Variants in PIGU observed in about 807,000 individuals in gnomAD.
PIGU encodes phosphatidylinositol glycan anchor biosynthesis class U, also known as GPI-anchor transamidase component PIGU.
A neutral mutation model predicts 49.9 loss-of-function variants in PIGU; 24 were observed. That is an observed-to-expected ratio of 0.48 (90% CI 0.35 to 0.68). The LOEUF is 0.68. PIGU is among the 30% of genes least tolerant of loss of function. The pLI, the probability that PIGU is intolerant of heterozygous loss-of-function variation, is 0.01. For synonymous variants in PIGU, 220 were observed against 205.7 expected, an observed-to-expected ratio of 1.07 and a Z score of -0.59; for missense variants, 490 against 532.6, an observed-to-expected ratio of 0.92 and a Z score of 0.79.
chr20:34,615,103 C>T (rs1173766348), intron 7 of PIGU, among the ~76,000 whole-genome samples: 1 of 152,162 alleles, frequency 6.6e-6, no homozygotes, highest in African/African-American at 2.4e-5. Flanking sequence ...GTGACTTAAC[C>T]TCCCAACATT....
chr20:34,586,645 G>A (rs1261991174), intron 8 of PIGU, among the ~76,000 whole-genome samples: 2 of 151,188 alleles, frequency 1.3e-5, no homozygotes, highest in African/African-American at 2.4e-5. Flanking sequence ...CCGAGTCTTC[G>A]GCACCTATGC....
chr20:34,648,794 C>T (rs1986437879), intron 2 of PIGU, among the ~76,000 whole-genome samples: 1 of 152,126 alleles, frequency 6.6e-6, no homozygotes, highest in African/African-American at 2.4e-5. Flanking sequence ...AGCAATCCGC[C>T]TGCCTCAGCC....
chr20:34,677,054 A>G lies in PIGU; in HGVS notation c.32T>C (p.Val11Ala). 3.2e-6 allele frequency: 5 copies of G among 1,570,570 alleles called. No homozygotes were observed. The highest frequency in any genetic ancestry group is 4.3e-6 in the Non-Finnish European group (5 of 1,158,300). The part of the protein sequence containing the change: MAAPLVLVLV[V>A]AVTVRAALFR... ...CAAGGCCGCCCGCACTGTCACAGCC[A>G]CCACCAGCACCAGGACCAAGGGAGC... The change falls in exon 1 of 12, where the codon GTG becomes GCG. Residue 11 changes from valine (V) to alanine (A), a missense_variant. Coordinates refer to ENST00000217446, the MANE Select transcript of PIGU (RefSeq NM_080476.5).
At chr20:34,619,539 C>T (rs551105456) in intron 6 of PIGU, among the ~76,000 whole-genome samples, 1 of 152,332 alleles carries the variant, frequency 6.6e-6, no homozygotes, top group African/African-American at 2.4e-5. Context: ...GTGTCTGTTA[C>T]TAGAGGATGG....
At chr20:34,633,028 G>A (rs1985840365) in intron 6 of PIGU, among the ~76,000 whole-genome samples, 1 of 151,350 alleles carries the variant, frequency 6.6e-6, no homozygotes, top group Admixed American at 6.6e-5. Context: ...AACCAAACAA[G>A]CAATAAAAGA....
chr20:34,576,217 T>C (rs1174151066), intron 10 of PIGU, among the ~76,000 whole-genome samples: 1 of 151,866 alleles, frequency 6.6e-6, no homozygotes, highest in South Asian at 2.1e-4. Context: ...TCTAAAAAAA[T>C]TTTAAAATTT....
In PIGU at chr20:34,603,731, G is replaced by A. The variant is rs111410261; in HGVS notation, c.627+12311C>T. 6.1e-3 allele frequency among the ~76,000 whole-genome samples: 921 copies of A among 152,154 alleles called. 6 individuals are homozygous for A. The highest frequency in any genetic ancestry group is 0.02 in the African/African-American group (850 of 41,490). On this transcript the variant is annotated intron_variant, in intron 7 of 11. Coordinates refer to ENST00000217446, the MANE Select transcript of PIGU (RefSeq NM_080476.5). ...TATACATTTCCTGCCCTAAAACCTA[G>A]AATTAGCCATTTCCCTAAGAAACCC...
intron 8 of PIGU, among the ~76,000 whole-genome samples, chr20:34,586,650 C>T (rs1489148634): frequency 6.6e-6 from 1 of 151,428 alleles, no homozygotes; most frequent in Non-Finnish European, 1.5e-5. Flanking sequence ...TCTTCGGCAC[C>T]TATGCAGAGC....
In PIGU at chr20:34,632,257, GA is replaced by G. The variant is rs1287719735; in HGVS notation, c.529+2357del. The stretch of plus-strand genomic sequence containing the variant: ...AAGCAATGCCTTCAAAATTCTAAAG[GA>G]AAAGTTATTCGAGTCTAAAATTCTT... On this transcript the variant is annotated intron_variant, in intron 6 of 11. Transcript: ENST00000217446. Among the ~76,000 whole-genome samples, 10 of 152,152 alleles carry G rather than the reference GA, an allele frequency of 6.6e-5. No homozygotes were observed. In the East Asian group the frequency reaches 1.9e-3, roughly 29 times the overall value.
chr20:34,613,472 G>A (rs187563976), intron 7 of PIGU, among the ~76,000 whole-genome samples: 193 of 152,296 alleles, frequency 1.3e-3, no homozygotes, highest in African/African-American at 4.4e-3. Context: ...ATAAAGTGGT[G>A]CATAGAGATT....
chr20:34,642,122 AT>A, intron 4 of PIGU, among the ~76,000 whole-genome samples: 1 of 152,218 alleles, frequency 6.6e-6, no homozygotes. Context: ...AATTAAAGGC[AT>A]CTCTCCTGTT....
intron 1 of PIGU, among the ~76,000 whole-genome samples, chr20:34,673,751 G>A (rs997383695): frequency 3.9e-5 from 6 of 152,148 alleles, no homozygotes; most frequent in Non-Finnish European, 7.4e-5. Context: ...TGGAAACACT[G>A]ACGTTAGAAT....
chr20:34,671,082 T>A (rs1269300639), intron 1 of PIGU, among the ~76,000 whole-genome samples: 1 of 152,196 alleles, frequency 6.6e-6, no homozygotes, highest in Non-Finnish European at 1.5e-5. Context: ...CAAAATATTA[T>A]TAGCGAGGTC....
chr20:34,624,441 G>C (rs1985375635), intron 6 of PIGU, among the ~76,000 whole-genome samples: 1 of 152,226 alleles, frequency 6.6e-6, no homozygotes, highest in African/African-American at 2.4e-5. Flanking sequence ...TCTTAATCAT[G>C]CTTGAATACC....
chr20:34,585,941 G>A (rs1325177197), intron 8 of PIGU, among the ~76,000 whole-genome samples: 1 of 152,046 alleles, frequency 6.6e-6, no homozygotes, highest in African/African-American at 2.4e-5. Context: ...GATCTATTTT[G>A]GGCATTCTAA....
At chr20:34,632,519 C>G (rs773449615) in intron 6 of PIGU, among the ~76,000 whole-genome samples, 1 of 152,006 alleles carries the variant, frequency 6.6e-6, no homozygotes, top group Non-Finnish European at 1.5e-5. Flanking sequence ...AGGTGCCCAC[C>G]ACCACGCCCA....
intron 7 of PIGU, among the ~76,000 whole-genome samples, chr20:34,615,619 A>C (rs1447239082): frequency 6.6e-6 from 1 of 152,164 alleles, no homozygotes; most frequent in Non-Finnish European, 1.5e-5. Flanking sequence ...ATAAGTTTTA[A>C]ATTGTACACC....
chr20:34,570,301 T>C (rs1982949508), intron 11 of PIGU, among the ~76,000 whole-genome samples: 1 of 152,250 alleles, frequency 6.6e-6, no homozygotes, highest in South Asian at 2.1e-4. Flanking sequence ...TATGAGTTTA[T>C]GTAAATGCAC....
At chr20:34,664,422 G>A (rs2146791854) in intron 1 of PIGU, among the ~76,000 whole-genome samples, 1 of 152,340 alleles carries the variant, frequency 6.6e-6, no homozygotes, top group East Asian at 1.9e-4. Context: ...CAGTTGACCG[G>A]GCACAGTGGC....
Sources: gnomAD v4.1 joint callset for allele counts (sites outside exome capture counted in the v4.1 genomes callset) on GRCh38, gnomAD v4.1.1 for gene constraint, MANE v1.5 for transcripts, NCBI Gene and HGNC (gene_info 2026-07-23, HGNC 2026-07-21) for gene names.